Variants in AUTS2 observed in about 807,000 individuals in gnomAD.
The protein encoded by AUTS2 is activator of transcription and developmental regulator AUTS2, also known as autism susceptibility gene 2 protein.
AUTS2 carries 17 observed loss-of-function variants against 112.4 expected under a neutral mutation model. The ratio of observed to expected loss-of-function variants is 0.15; its 90% CI spans 0.10 to 0.23. The LOEUF (loss-of-function observed/expected upper bound fraction) is 0.23. AUTS2 is among the 10% of genes least tolerant of loss of function. The probability of loss-of-function intolerance (pLI) is 1.00; values close to 1 mark genes in which losing one functional copy is unlikely to be tolerated. For missense variants in AUTS2, 1,510 were observed against 1,701.6 expected, an observed-to-expected ratio of 0.89 and a Z score of 1.98; for synonymous variants, 751 against 702.7, an observed-to-expected ratio of 1.07 and a Z score of -1.09.
chr7:69,640,496 G>A (rs1794755276), intron 1 of AUTS2, among the ~76,000 whole-genome samples: 1 of 152,188 alleles, frequency 6.6e-6, no homozygotes, highest in Non-Finnish European at 1.5e-5. Context: ...TCTTCAACCC[G>A]TAAATGCTGC....
At chr7:70,087,337 A>G (rs1212461964) in intron 2 of AUTS2, among the ~76,000 whole-genome samples, 2 of 150,622 alleles carry the variant, frequency 1.3e-5, no homozygotes, top group African/African-American at 4.9e-5. Flanking sequence ...TCGTATATAT[A>G]TAGTTGAACT....
chr7:70,762,803 C>T, intron 6 of AUTS2, 67 bp from the exon 7 acceptor site: 2 of 1,212,966 alleles, frequency 1.6e-6, no homozygotes, highest in Non-Finnish European at 2.4e-6. Context: ...TTGGAGTTTC[C>T]TTTCCCTCCT....
chr7:70,155,578 C>G (rs548885666), intron 4 of AUTS2, among the ~76,000 whole-genome samples: 2 of 151,670 alleles, frequency 1.3e-5, no homozygotes, highest in African/African-American at 2.4e-5. Context: ...AATCCTTTCT[C>G]GGTATCCGTC....
At chr7:69,716,163 G>A (rs1798598441) in intron 1 of AUTS2, among the ~76,000 whole-genome samples, 1 of 152,060 alleles carries the variant, frequency 6.6e-6, no homozygotes, top group Non-Finnish European at 1.5e-5. Flanking sequence ...CATTTTTGAA[G>A]TTCTAAATGT....
chr7:70,773,168 T>C (rs1439301660), intron 11 of AUTS2, among the ~76,000 whole-genome samples: 1 of 147,694 alleles, frequency 6.8e-6, no homozygotes, highest in East Asian at 1.9e-4. Context: ...TCTTTCATTC[T>C]TTTCCCCCCC....
chr7:70,474,320 C>A lies in AUTS2; in HGVS notation c.690+38539C>A, dbSNP rs368912889. Among the ~76,000 whole-genome samples, 21 of 152,356 alleles carry A rather than the reference C, an allele frequency of 1.4e-4. No homozygotes were observed. The East Asian group carries it at 3.5e-3, about 25-fold the overall frequency. On this transcript the variant is annotated intron_variant, in intron 5 of 18. Transcript: ENST00000342771. Reference sequence around the variant, plus strand: ...CAGCCTTCCCCACCTGCCCTCTAGGCCTGTGTCCTTGTAGCACTTACCACT... The same window carrying A: ...CAGCCTTCCCCACCTGCCCTCTAGGACTGTGTCCTTGTAGCACTTACCACT...
chr7:69,620,324 T>G (rs1418261474), intron 1 of AUTS2, among the ~76,000 whole-genome samples: 1 of 152,204 alleles, frequency 6.6e-6, no homozygotes, highest in African/African-American at 2.4e-5. Flanking sequence ...AAGTGAAACT[T>G]AAATCTGTTA....
chr7:70,322,387 T>C (rs923104584), intron 4 of AUTS2, among the ~76,000 whole-genome samples: 14 of 152,186 alleles, frequency 9.2e-5, no homozygotes, highest in Non-Finnish European at 1.3e-4. Context: ...CTTTATGCTA[T>C]GGTTTAAAAT....
intron 2 of AUTS2, among the ~76,000 whole-genome samples, chr7:69,922,164 A>T (rs1306373705): frequency 6.6e-6 from 1 of 152,238 alleles, no homozygotes; most frequent in Admixed American, 6.5e-5. Context: ...AAATTCTCAC[A>T]CATCAAATTG....
At chr7:70,317,145 G>A (rs1790033837) in intron 4 of AUTS2, 1 of 152,108 alleles carries the variant, frequency 6.6e-6, no homozygotes, top group East Asian at 1.9e-4. Flanking sequence ...TTTGATCCTT[G>A]TTTATCTTTT....
rs936326101 is a variant in AUTS2 at position 70,671,097 on chromosome 7, G to A, written c.691-27472G>A. Among the ~76,000 whole-genome samples, 184 of 152,196 alleles carry A rather than the reference G, an allele frequency of 1.2e-3. 1 individual carries two copies. Among genetic ancestry groups the A allele is most frequent in the Admixed American group, 2.7e-3 (42 of 15,276 alleles). On this transcript the variant is annotated intron_variant, in intron 5 of 18. Coordinates refer to ENST00000342771, the MANE Select transcript of AUTS2 (RefSeq NM_015570.4). ...TGAGGCAGGATAATTGCTTGAACCT[G>A]GTGGGGGGATGGGGACACGGAGGTA...
At chr7:70,305,854 A>C (rs537895791) in intron 4 of AUTS2, among the ~76,000 whole-genome samples, 1 of 152,304 alleles carries the variant, frequency 6.6e-6, no homozygotes, top group East Asian at 1.9e-4. Flanking sequence ...ATAAATTCTC[A>C]GATTTGAGGA....
chr7:70,612,548 G>A (rs1664000258), intron 5 of AUTS2, among the ~76,000 whole-genome samples: 1 of 151,916 alleles, frequency 6.6e-6, no homozygotes, highest in Non-Finnish European at 1.5e-5. Flanking sequence ...AGGAAACTGA[G>A]GTCCAGTAAG....
intron 1 of AUTS2, among the ~76,000 whole-genome samples, chr7:69,744,526 C>A (rs1787403476): frequency 6.6e-6 from 1 of 152,032 alleles, no homozygotes; most frequent in South Asian, 2.1e-4. Flanking sequence ...AGCACCAAGA[C>A]TCTTTTTAAA....
intron 2 of AUTS2, among the ~76,000 whole-genome samples, chr7:69,926,445 G>GTCTGTCTATCTATCTATCTA (rs796507485): frequency 2.4e-5 from 3 of 123,132 alleles, no homozygotes; most frequent in African/African-American, 9.8e-5. Context: ...CTGTCTGTCT[G>GTCTGTCTATCTATCTATCTA]TCTATCTATC....
intron 1 of AUTS2, among the ~76,000 whole-genome samples, chr7:69,704,305 T>C (rs1008598068): frequency 3.3e-5 from 5 of 151,374 alleles, no homozygotes; most frequent in African/African-American, 1.2e-4. Context: ...TGAGACGGAG[T>C]CTCACTCTGT....
intron 1 of AUTS2, among the ~76,000 whole-genome samples, chr7:69,627,388 G>A (rs372650178): frequency 6.6e-6 from 1 of 152,298 alleles, no homozygotes; most frequent in South Asian, 2.1e-4. Flanking sequence ...CTACTTGGGA[G>A]GCCGAGGCAG....
chr7:70,397,974 T>C (rs1794160999), intron 4 of AUTS2, among the ~76,000 whole-genome samples: 1 of 152,240 alleles, frequency 6.6e-6, no homozygotes, highest in South Asian at 2.1e-4. Flanking sequence ...ATTTTGTATA[T>C]GGTATGAGGT....
At chr7:69,957,436 G>T (rs1205508650) in intron 2 of AUTS2, among the ~76,000 whole-genome samples, 1 of 151,912 alleles carries the variant, frequency 6.6e-6, no homozygotes, top group Non-Finnish European at 1.5e-5. Flanking sequence ...AATGGATGTT[G>T]TACCCTGAGA....
Sources: allele counts gnomAD v4.1 joint callset (sites outside exome capture counted in the v4.1 genomes callset), GRCh38; gene constraint gnomAD v4.1.1; transcripts MANE v1.5; gene names NCBI Gene and HGNC (gene_info 2026-07-23, HGNC 2026-07-21).